Variants in NAALADL2 observed in about 807,000 individuals in gnomAD.
The protein encoded by NAALADL2 is inactive N-acetylated-alpha-linked acidic dipeptidase-like protein 2.
A neutral mutation model predicts 87.2 loss-of-function variants in NAALADL2; 76 were observed. The observed-to-expected ratio is 0.87, with a 90% CI of 0.72 to 1.05. NAALADL2 has a LOEUF of 1.05. Among genes scored for constraint, NAALADL2 ranks in the 50% least tolerant of loss-of-function variants. The probability of loss-of-function intolerance (pLI) is 0.00; values close to 1 mark genes in which losing one functional copy is unlikely to be tolerated. For missense variants in NAALADL2, 1,089 were observed against 945.8 expected (o/e 1.15, Z -1.99); for synonymous variants, 354 against 331.0 (o/e 1.07, Z -0.75).
intron 5 of NAALADL2, among the ~76,000 whole-genome samples, chr3:175,390,806 A>T (rs773080756): frequency 7.2e-5 from 11 of 152,150 alleles, no homozygotes; most frequent in Non-Finnish European, 1.3e-4. Context: ...TTTCTATATT[A>T]CTGGTCATCA....
chr3:175,413,114 C>T (rs1399272746), intron 5 of NAALADL2, among the ~76,000 whole-genome samples: 1 of 143,634 alleles, frequency 7.0e-6, no homozygotes, highest in Non-Finnish European at 1.5e-5. Flanking sequence ...TGGCCTCAAT[C>T]TCCTGACCTC....
intron 11 of NAALADL2, among the ~76,000 whole-genome samples, chr3:175,736,731 A>G (rs1401171613): frequency 6.6e-6 from 1 of 152,214 alleles, no homozygotes; most frequent in Non-Finnish European, 1.5e-5. Flanking sequence ...TCATTAGGTT[A>G]TGTATTCGTC....
intron 9 of NAALADL2, among the ~76,000 whole-genome samples, chr3:175,575,650 G>A (rs1334418228): frequency 6.6e-6 from 1 of 152,018 alleles, no homozygotes; most frequent in Non-Finnish European, 1.5e-5. Context: ...CATTCTTTAA[G>A]TTTATGGGAA....
At chr3:174,996,992 G>GT (rs1427471068) in intron 1 of NAALADL2, among the ~76,000 whole-genome samples, 11 of 101,050 alleles carry the variant, frequency 1.1e-4, no homozygotes, top group Non-Finnish European at 2.1e-4. Context: ...GTATTCCAAG[G>GT]GGTGTGTGTG....
chr3:175,681,435 G>T (rs1735580399), intron 11 of NAALADL2, among the ~76,000 whole-genome samples: 1 of 152,062 alleles, frequency 6.6e-6, no homozygotes. Flanking sequence ...AACCACTGTT[G>T]TACTTTCTAA....
chr3:174,614,230 C>G (rs1588894), intron 2 of NAALADL2, among the ~76,000 whole-genome samples: 71,357 of 151,948 alleles, frequency 0.47, 17,488 homozygotes, highest in East Asian at 0.81. Flanking sequence ...TTTACTGGCT[C>G]TGAGCCCAGC....
chr3:175,257,673 G>A (rs1750237122), intron 4 of NAALADL2, among the ~76,000 whole-genome samples: 3 of 152,106 alleles, frequency 2.0e-5, no homozygotes, highest in African/African-American at 7.2e-5. Context: ...ATCCAATTTA[G>A]TATTTGAAAA....
chr3:175,468,577 C>T (rs1724425810), intron 8 of NAALADL2, among the ~76,000 whole-genome samples: 2 of 151,704 alleles, frequency 1.3e-5, no homozygotes, highest in African/African-American at 2.4e-5. Context: ...AGATTCTTTT[C>T]GAATTCCAAA....
At chr3:175,791,465 A>T (rs753708389) in intron 13 of NAALADL2, among the ~76,000 whole-genome samples, 1 of 152,156 alleles carries the variant, frequency 6.6e-6, no homozygotes, top group Non-Finnish European at 1.5e-5. Context: ...AGGACTTTAC[A>T]TCTGAAAGAA....
At chr3:175,708,870 CAGA>C (rs1409608368) in intron 11 of NAALADL2, among the ~76,000 whole-genome samples, 29 of 151,580 alleles carry the variant, frequency 1.9e-4, no homozygotes, top group African/African-American at 6.3e-4. Flanking sequence ...ACTGCTGTTG[CAGA>C]AGAAGTGCAG....
At chr3:174,990,485 T>G (rs1341417295) in intron 1 of NAALADL2, among the ~76,000 whole-genome samples, 6 of 152,106 alleles carry the variant, frequency 3.9e-5, no homozygotes, top group African/African-American at 1.4e-4. Context: ...AGTTGGAGGG[T>G]TTTTATAGAA....
intron 1 of NAALADL2, among the ~76,000 whole-genome samples, chr3:174,861,881 G>C (rs1446709360): frequency 6.7e-6 from 1 of 149,538 alleles, no homozygotes; most frequent in African/African-American, 2.5e-5. Context: ...TAGTGTTTCT[G>C]GTAGTATTGA....
chr3:175,371,804 A>G (rs1766539782), intron 5 of NAALADL2, among the ~76,000 whole-genome samples: 1 of 150,140 alleles, frequency 6.7e-6, no homozygotes. Flanking sequence ...AGCCTGGACA[A>G]CTCCATCTAT....
intron 2 of NAALADL2, among the ~76,000 whole-genome samples, chr3:174,650,406 A>G (rs962382441): frequency 1.2e-4 from 19 of 152,146 alleles, no homozygotes; most frequent in African/African-American, 4.6e-4. Context: ...TCAGTATGCC[A>G]ACTAGTATGT....
At chr3:175,115,730 C>G (rs1402500514) in intron 2 of NAALADL2, among the ~76,000 whole-genome samples, 1 of 151,570 alleles carries the variant, frequency 6.6e-6, no homozygotes, top group Non-Finnish European at 1.5e-5. Context: ...TTTTGCTTCT[C>G]TCAAGTCAGA....
intron 1 of NAALADL2, among the ~76,000 whole-genome samples, chr3:174,524,902 T>A (rs1408236780): frequency 6.6e-6 from 1 of 152,106 alleles, no homozygotes; most frequent in Non-Finnish European, 1.5e-5. Context: ...CATCCTAACA[T>A]TGTAGCACAA....
chr3:175,447,083 A>G (rs1481360087), intron 5 of NAALADL2, 146 bp from the exon 6 acceptor site: 2 of 492,530 alleles, frequency 4.1e-6, no homozygotes, highest in South Asian at 4.8e-5. Context: ...TAATAAGTAA[A>G]CAGGGTATAA....
chr3:175,070,281 A>C (rs1200990904), intron 1 of NAALADL2, among the ~76,000 whole-genome samples: 2 of 149,202 alleles, frequency 1.3e-5, no homozygotes, highest in African/African-American at 4.9e-5. Context: ...CAAAAGTATA[A>C]ATTTTTATTT....
chr3:174,943,804 G>A (rs1738983090), intron 1 of NAALADL2, among the ~76,000 whole-genome samples: 1 of 152,136 alleles, frequency 6.6e-6, no homozygotes, highest in Non-Finnish European at 1.5e-5. Flanking sequence ...CTTGTTAGAG[G>A]TGTGGTAAGG....
Sources: gnomAD v4.1 joint callset for allele counts (sites outside exome capture counted in the v4.1 genomes callset) on GRCh38, gnomAD v4.1.1 for gene constraint, MANE v1.5 for transcripts, NCBI Gene and HGNC (gene_info 2026-07-23, HGNC 2026-07-21) for gene names.